Variants in ARHGAP35 observed in about 807,000 individuals in gnomAD.
The protein encoded by ARHGAP35 is Rho GTPase activating protein 35.
A neutral mutation model predicts 111.1 loss-of-function variants in ARHGAP35; 15 were observed. That is an observed-to-expected ratio of 0.13 (90% confidence interval 0.09 to 0.21). The LOEUF is 0.21. Among genes scored for constraint, ARHGAP35 ranks in the 10% least tolerant of loss-of-function variants. The pLI is 1.00. For missense variants in ARHGAP35, 1,262 were observed against 1,873.0 expected (o/e 0.67, Z 6.02); for synonymous variants, 643 against 710.3 (o/e 0.91, Z 1.51).
intron 5 of ARHGAP35, among the ~76,000 whole-genome samples, chr19:46,998,463 C>T (rs1451809617): frequency 6.6e-6 from 1 of 152,230 alleles, no homozygotes; most frequent in Non-Finnish European, 1.5e-5. Context: ...TGTGCCTCAC[C>T]AGCCCCGATG....
intron 3 of ARHGAP35, among the ~76,000 whole-genome samples, chr19:46,962,361 ATGT>A (rs1283707938): frequency 6.6e-6 from 1 of 152,164 alleles, no homozygotes. Context: ...CTGGCTAGTG[ATGT>A]TGTTGGCACT....
In ARHGAP35 at chr19:46,922,043, A is replaced by G. The variant is rs745652071; in HGVS notation, c.3368A>G (p.Asn1123Ser). The G allele has an allele frequency of 2.5e-5, 40 of 1,613,920 alleles. No homozygotes were observed. The Middle Eastern group carries it at 8.2e-4, about 33-fold the overall frequency. Residue 1123 changes from asparagine to serine, a missense_variant, in exon 2 of 7, where the codon AAC becomes AGC. Physicochemically the swap from Asn to Ser is conservative, Grantham distance 46. This residue lies in a region of ARHGAP35 where 579 missense variants were observed against 716.9 expected (regional missense o/e 0.81). Transcript: ENST00000672722. The surrounding 1 kb of genome is among the most constrained non-coding windows in gnomAD (Gnocchi z 4.0). ...QGKIITIRNINKAQSNGSGNG... is the reference protein window; with the variant it reads ...QGKIITIRNISKAQSNGSGNG... ...AAAATCATCACCATTCGGAATATCA[A>G]CAAAGCCCAGTCCAACGGCAGCGGG...
At position 46,954,198 on chromosome 19, in the gene ARHGAP35, G is replaced by C. The variant is rs1380971596; in HGVS notation, c.3826+16790G>C. Among the ~76,000 whole-genome samples, 4 of 152,296 alleles carry C rather than the reference G, an allele frequency of 2.6e-5. No homozygotes were observed. The South Asian group carries it at 8.3e-4, about 32-fold the overall frequency. Reference sequence around the variant, plus strand: ...CCCTCAGAACCATGAGAAAAAGAGAGCTATTGTTGAAGCCACCCAGTCTGT... The same window carrying C: ...CCCTCAGAACCATGAGAAAAAGAGACCTATTGTTGAAGCCACCCAGTCTGT... On this transcript the variant is annotated intron_variant, in intron 3 of 6. Transcript: ENST00000672722.
chr19:46,921,494 A>T lies in ARHGAP35; in HGVS notation c.2819A>T (p.Asp940Val). 4 of 1,613,942 alleles carry T rather than the reference A, an allele frequency of 2.5e-6. No homozygotes were observed. The Admixed American group carries it at 6.7e-5, about 27-fold the overall frequency. ...KLEIFHPFFKDVVEKKNIIEA... is the reference protein window; with the variant it reads ...KLEIFHPFFKVVVEKKNIIEA... ...GAGATCTTTCACCCATTTTTTAAAG[A>T]TGTGGTGGAAAAAAAGAACATAATC... Residue 940 changes from aspartate to valine, a missense_variant, in exon 2 of 7, where the codon GAT becomes GTT. By Grantham distance (152) the Asp-to-Val change is radical. This residue lies in a region of ARHGAP35 where 579 missense variants were observed against 716.9 expected (regional missense o/e 0.81). Transcript: ENST00000672722. This position sits in a 1 kb window ranked among gnomAD's most constrained non-coding sequence, Gnocchi z 4.3.
In ARHGAP35 at chr19:46,918,815, C is replaced by T. The variant is rs752654386; in HGVS notation, c.140C>T (p.Ala47Val). The change falls in exon 2 of 7, where the codon GCT (alanine) becomes GTT (valine). Residue 47 changes from alanine (A) to valine (V), a missense_variant. Ala to Val is a moderately conservative substitution (Grantham distance 64). This residue lies in a region of ARHGAP35 where 125 missense variants were observed against 301.7 expected (regional missense o/e 0.41). Transcript: ENST00000672722. This position sits in a 1 kb window ranked among gnomAD's most constrained non-coding sequence, Gnocchi z 5.4. The part of the protein sequence containing the change: ...CLCNRFVRPS[A>V]DEFHLDHTSV... ...TGCAACCGCTTCGTGCGCCCGAGTG[C>T]TGACGAGTTTCACTTGGACCATACC... 3 of 1,613,964 alleles carry T rather than the reference C, an allele frequency of 1.9e-6. No homozygotes were observed. The South Asian group carries it at 3.3e-5, about 18-fold the overall frequency.
intron 1 of ARHGAP35, among the ~76,000 whole-genome samples, chr19:46,870,331 G>A (rs1196898062): frequency 2.8e-4 from 43 of 151,716 alleles, no homozygotes; most frequent in Admixed American, 2.8e-3. Context: ...GTAATCCCCA[G>A]CACTTTGGGA....
At chr19:46,870,309 T>C (rs1165357883) in intron 1 of ARHGAP35, among the ~76,000 whole-genome samples, 5 of 151,288 alleles carry the variant, frequency 3.3e-5, no homozygotes, top group Non-Finnish European at 5.9e-5. Context: ...CTGGGCACGG[T>C]GGCTCATGCC....
At chr19:46,944,939 CT>C (rs1475140315) in intron 3 of ARHGAP35, among the ~76,000 whole-genome samples, 2 of 152,204 alleles carry the variant, frequency 1.3e-5, no homozygotes, top group Non-Finnish European at 2.9e-5. Flanking sequence ...CTTGTTCATA[CT>C]TCTGAAAATC....
At position 46,919,934 on chromosome 19, in the gene ARHGAP35, T is replaced by C; in HGVS notation, c.1259T>C (p.Leu420Ser). The C allele has an allele frequency of 1.2e-6, 2 of 1,613,946 alleles. No homozygotes were observed. The highest frequency in any genetic ancestry group is 1.7e-6 in the Non-Finnish European group (2 of 1,179,866). ...VPAEQLYEAH[L>S]EKLRNERKRV... ...GCAGAGCAGCTATACGAGGCCCACT[T>C]AGAGAAGCTGAGGAACGAAAGGAAA... The change falls in exon 2 of 7, where the codon TTA (leucine) becomes TCA (serine). Residue 420 changes from leucine to serine, a missense_variant. Coordinates refer to ENST00000672722, the MANE Select transcript of ARHGAP35 (RefSeq NM_004491.5). This position sits in a 1 kb window ranked among gnomAD's most constrained non-coding sequence, Gnocchi z 6.2.
chr19:46,958,833 A>C (rs998802949), intron 3 of ARHGAP35, among the ~76,000 whole-genome samples: 3 of 152,142 alleles, frequency 2.0e-5, no homozygotes, highest in Non-Finnish European at 2.9e-5. Context: ...ATTCTCTTTC[A>C]TCACTTTCCC....
At chr19:46,912,494 C>T (rs1204076436) in intron 1 of ARHGAP35, among the ~76,000 whole-genome samples, 1 of 152,076 alleles carries the variant, frequency 6.6e-6, no homozygotes, top group Non-Finnish European at 1.5e-5. Flanking sequence ...GCTGGGACTA[C>T]AGGTGCCCAC....
chr19:46,942,170 A>G (rs2122233014), intron 3 of ARHGAP35, among the ~76,000 whole-genome samples: 1 of 152,344 alleles, frequency 6.6e-6, no homozygotes, highest in East Asian at 1.9e-4. Context: ...AAGAACTGTG[A>G]AGAGGAACTC....
At position 46,999,681 on chromosome 19, in the gene ARHGAP35, G is replaced by A. The variant is rs899275693; in HGVS notation, c.4142+272G>A. On this transcript the variant is annotated intron_variant, in intron 6 of 6. Transcript: ENST00000672722. This position sits in a 1 kb window ranked among gnomAD's most constrained non-coding sequence, Gnocchi z 5.4. The stretch of plus-strand genomic sequence containing the variant: ...ACCAGATAGGGCACTTAGCTCCAGC[G>A]GGCATGGGGCCTCTTGTAGGCCTGT... The A allele has an allele frequency of 3.5e-5, 16 of 453,234 alleles. No individual in the cohort carries two copies. In the East Asian group the frequency reaches 3.5e-4, roughly 10 times the overall value. 28.1% of individuals were successfully genotyped at this position (453,234 alleles called of 1,614,324 possible).
intron 3 of ARHGAP35, among the ~76,000 whole-genome samples, chr19:46,974,808 T>C (rs1368103312): frequency 1.3e-5 from 2 of 152,136 alleles, no homozygotes. Flanking sequence ...CCAGCCCCCA[T>C]ATCCTGCACT....
chr19:46,933,355 GC>G (rs2056284766), intron 2 of ARHGAP35, among the ~76,000 whole-genome samples: 1 of 151,764 alleles, frequency 6.6e-6, no homozygotes, highest in Non-Finnish European at 1.5e-5. Context: ...CACCACGTTG[GC>G]CAGGCTGGTC....
intron 1 of ARHGAP35, among the ~76,000 whole-genome samples, chr19:46,890,945 G>A (rs1202498218): frequency 6.6e-6 from 1 of 152,176 alleles, no homozygotes; most frequent in Non-Finnish European, 1.5e-5. Context: ...AAGAGCAGAT[G>A]GAAATGATTG....
rs115468343 is a variant in ARHGAP35, at chr19:46,930,999, C to T, written c.3682-6265C>T. Among the ~76,000 whole-genome samples the T allele has an allele frequency of 7.5e-3, 1,138 of 151,914 alleles. 14 individuals are homozygous for T. Among genetic ancestry groups the T allele is most frequent in the African/African-American group, 0.022 (911 of 41,444 alleles). ...TAGTAGAATATTTGTTGTATGTGTA[C>T]GTAAATAACTGTACCTCATTCAGTA... On this transcript the variant is annotated intron_variant, in intron 2 of 6. Coordinates refer to ENST00000672722, the MANE Select transcript of ARHGAP35 (RefSeq NM_004491.5).
chr19:46,931,096 A>G (rs2056270288), intron 2 of ARHGAP35, among the ~76,000 whole-genome samples: 2 of 152,172 alleles, frequency 1.3e-5, no homozygotes. Context: ...CAAAGTATGA[A>G]CAAGGCCTTC....
At chr19:46,998,988 G>T in intron 5 of ARHGAP35, 1 of 303,076 alleles carries the variant, frequency 3.3e-6, no homozygotes. Flanking sequence ...AGGGGCAACC[G>T]GATGAGCAAA....
Sources: gnomAD v4.1 joint callset for allele counts (sites outside exome capture counted in the v4.1 genomes callset) on GRCh38, gnomAD v4.1.1 for gene constraint, gnomAD v4.1.1 regional missense constraint, Gnocchi (gnomAD v3.1) non-coding constraint, MANE v1.5 for transcripts, NCBI Gene and HGNC (gene_info 2026-07-23, HGNC 2026-07-21) for gene names.